The following CKAP5 variants were observed in gnomAD, a reference collection of about 807,000 sequenced individuals.
CKAP5 encodes the protein cytoskeleton associated protein 5.
In CKAP5, 27 loss-of-function variants were observed where a neutral mutation model predicts 232.8. The ratio of observed to expected loss-of-function variants is 0.12; its 90% CI spans 0.09 to 0.16. The LOEUF (loss-of-function observed/expected upper bound fraction) is 0.16. Ranked by LOEUF, CKAP5 falls within the 10% of genes least tolerant of loss-of-function variation. The probability of loss-of-function intolerance (pLI) is 1.00; values close to 1 mark genes in which losing one functional copy is unlikely to be tolerated. For missense variants in CKAP5, 1,838 were observed against 2,424.7 expected (o/e 0.76, Z 5.08); for synonymous variants, 785 against 841.1 (o/e 0.93, Z 1.16).
intron 13 of CKAP5, among the ~76,000 whole-genome samples, chr11:46,795,268 C>G (rs1938841901): frequency 6.6e-6 from 1 of 151,334 alleles, no homozygotes; most frequent in Admixed American, 6.6e-5. Context: ...GCGGAGGTTG[C>G]AGTGAGCCAA....
intron 36 of CKAP5, 103 bp downstream of exon 36, chr11:46,754,785 A>G: frequency 1.1e-6 from 1 of 941,220 alleles, no homozygotes; most frequent in Non-Finnish European, 1.6e-6. Flanking sequence ...AATTCTACCA[A>G]GTGACACAGG....
chr11:46,825,688 G>GA (rs1939635819), intron 1 of CKAP5, among the ~76,000 whole-genome samples: 1 of 150,836 alleles, frequency 6.6e-6, no homozygotes. Flanking sequence ...AGAAGTTTGA[G>GA]AAAAACTTCT....
chr11:46,764,428 TACAA>T (rs1359472319), intron 28 of CKAP5, among the ~76,000 whole-genome samples: 3 of 152,172 alleles, frequency 2.0e-5, no homozygotes, highest in African/African-American at 7.2e-5. Flanking sequence ...AATGCACCAA[TACAA>T]ACAGTGATAC....
intron 22 of CKAP5, among the ~76,000 whole-genome samples, chr11:46,777,788 G>C (rs1275189610): frequency 6.6e-6 from 1 of 152,174 alleles, no homozygotes; most frequent in Non-Finnish European, 1.5e-5. Context: ...AGAGATCATA[G>C]TACTTTACAA....
chr11:46,791,245 GTTTTT>G (rs201703341), intron 13 of CKAP5, among the ~76,000 whole-genome samples: 1 of 145,030 alleles, frequency 6.9e-6, no homozygotes. Context: ...ATTTATTTGG[GTTTTT>G]TTTTTTTTTT....
intron 1 of CKAP5, among the ~76,000 whole-genome samples, chr11:46,841,521 G>C (rs1365264401): frequency 6.6e-6 from 1 of 152,116 alleles, no homozygotes; most frequent in Non-Finnish European, 1.5e-5. Flanking sequence ...GGAAGAAAAA[G>C]GATAAAAGGA....
At chr11:46,814,234 A>C (rs1279569629) in intron 4 of CKAP5, among the ~76,000 whole-genome samples, 1 of 152,116 alleles carries the variant, frequency 6.6e-6, no homozygotes, top group Non-Finnish European at 1.5e-5. Context: ...TCTGATAACT[A>C]AGATGAGTCA....
In CKAP5 at chr11:46,797,867, G is replaced by C. The variant is rs1224295403; in HGVS notation, c.1276C>G (p.His426Asp). The C allele has an allele frequency of 6.2e-7, 1 of 1,614,094 alleles. No homozygotes were observed. The change falls in exon 11 of 44, where the codon CAC (histidine) becomes GAC (aspartate). Residue 426 changes from histidine (H) to aspartate (D), a missense_variant. Physicochemically the swap from His to Asp is moderately conservative, Grantham distance 81. Coordinates refer to ENST00000529230, the MANE Select transcript of CKAP5 (RefSeq NM_001008938.4). ...TTTGGCAGGGTAGAAGCAGTGCAGT[G>C]GCGGAAACTTCTTGCAATAAAAAGA... ...TSLFIARSFR[H>D]CTASTLPKSL...
In CKAP5 at chr11:46,798,102, A is replaced by C; in HGVS notation, c.1154T>G (p.Ile385Ser). Residue 385 changes from isoleucine (I) to serine (S), a missense_variant, in exon 10 of 44, where the codon ATT becomes AGT. Ile to Ser is a moderately radical substitution (Grantham distance 142). Around this residue, in one of 6 missense-constraint regions of CKAP5, gnomAD observed 97 missense variants for 167.7 expected, o/e 0.58. Coordinates refer to ENST00000529230, the MANE Select transcript of CKAP5 (RefSeq NM_001008938.4). The stretch of plus-strand genomic sequence containing the variant: ...ACTTACAGTAAGGAAGATTGCATCA[A>C]TTGCCTCCTGCAGGGCTTGTACCAC... ...PQVVQALQEA[I>S]DAIFLTTTLQ... 1 of 1,614,040 alleles carries C rather than the reference A, an allele frequency of 6.2e-7. No individual in the cohort carries two copies. Among genetic ancestry groups the C allele is most frequent in the East Asian group, 2.2e-5 (1 of 44,880 alleles).
chr11:46,785,823 T>C (rs1353212942), intron 16 of CKAP5, among the ~76,000 whole-genome samples: 3 of 152,102 alleles, frequency 2.0e-5, no homozygotes, highest in Admixed American at 2.0e-4. Flanking sequence ...CCCTCGCCTG[T>C]AGTCCCAGCT....
rs1227438529 is a variant in CKAP5, at chr11:46,754,904, A to G, written c.4853T>C (p.Ile1618Thr). Reference sequence around the variant, plus strand: ...TGCCCTTACCGAAATCATGTTGCCAATGATACAGCTATACAACTTGATGAT... The same window carrying G: ...TGCCCTTACCGAAATCATGTTGCCAGTGATACAGCTATACAACTTGATGAT... Reference protein sequence around the residue: ...DEIIKLYSCIIGNMISLFQIE... With the variant: ...DEIIKLYSCITGNMISLFQIE... The change falls in exon 36 of 44, where the codon ATT becomes ACT. Residue 1618 changes from isoleucine (I) to threonine (T), a missense_variant. Coordinates refer to ENST00000529230, the MANE Select transcript of CKAP5 (RefSeq NM_001008938.4). 5 of 1,611,338 alleles carry G rather than the reference A, an allele frequency of 3.1e-6. No individual in the cohort carries two copies. Among genetic ancestry groups the G allele is most frequent in the Admixed American group, 3.4e-5 (2 of 59,266 alleles).
At chr11:46,814,436 C>T (rs2134679785) in intron 4 of CKAP5, among the ~76,000 whole-genome samples, 1 of 152,232 alleles carries the variant, frequency 6.6e-6, no homozygotes, top group South Asian at 2.1e-4. Context: ...GATCATTCAA[C>T]AAAATACAAG....
intron 27 of CKAP5, among the ~76,000 whole-genome samples, 175 bp from the exon 28 acceptor site, chr11:46,765,431 G>A (rs2065194434): frequency 6.6e-6 from 1 of 152,088 alleles, no homozygotes; most frequent in African/African-American, 2.4e-5. Context: ...AGGTTCTCTA[G>A]AAATTTTTCT....
intron 1 of CKAP5, among the ~76,000 whole-genome samples, chr11:46,828,749 G>C (rs576972422): frequency 2.6e-4 from 40 of 152,044 alleles, no homozygotes; most frequent in Admixed American, 8.5e-4. Context: ...TCTACTAACA[G>C]TCACAAAAAA....
chr11:46,744,962 T>C (rs1480618038), intron 42 of CKAP5, among the ~76,000 whole-genome samples: 3 of 152,308 alleles, frequency 2.0e-5, no homozygotes, highest in South Asian at 4.1e-4. Flanking sequence ...TAGATTAAGT[T>C]TGGACCAATG....
At chr11:46,821,402 C>A in intron 1 of CKAP5, 134 bp from the exon 2 acceptor site, 1 of 423,350 alleles carries the variant, frequency 2.4e-6, no homozygotes, top group Non-Finnish European at 4.2e-6. Context: ...CAGATCCCCA[C>A]TTAATTCAAT....
At chr11:46,810,943 G>C (rs529691110) in intron 5 of CKAP5, 64 bp downstream of exon 5, 1 of 1,362,482 alleles carries the variant, frequency 7.3e-7, no homozygotes, top group Middle Eastern at 1.9e-4. Context: ...TATCAACAAC[G>C]ATAGGAAGAA....
rs60142188 is a variant in CKAP5, at chr11:46,814,131, C to CAA, written c.458+2065_458+2066dup. On this transcript the variant is annotated intron_variant, in intron 4 of 43. Transcript: ENST00000529230. ...TGGGTGACAGAGCGAGACCTTGTCT[C>CAA]AAAAAAAAAAAAAAAAAAAAAAAAA... 3.7e-3 allele frequency among the ~76,000 whole-genome samples: 304 copies of CAA among 81,192 alleles called. 4 individuals are homozygous for CAA. The highest frequency in any genetic ancestry group is 0.013 in the African/African-American group (255 of 20,042). The allele number at this position is 81,192 out of a possible 152,430, so 53.3% of individuals were successfully genotyped here.
At chr11:46,821,153 T>A in intron 2 of CKAP5, 22 bp downstream of exon 2, 1 of 1,592,552 alleles carries the variant, frequency 6.3e-7, no homozygotes, top group Non-Finnish European at 8.6e-7. Context: ...ACACTGAAAA[T>A]CGAATTCCAG....
Sources: allele counts gnomAD v4.1 joint callset (sites outside exome capture counted in the v4.1 genomes callset), GRCh38; gene constraint gnomAD v4.1.1; regional missense constraint gnomAD v4.1.1; transcripts MANE v1.5; gene names NCBI Gene and HGNC (gene_info 2026-07-23, HGNC 2026-07-21).